The following VNN2 variants were observed in gnomAD, a reference collection of about 807,000 sequenced individuals.
The protein encoded by VNN2 is vanin 2, also known as pantetheine hydrolase VNN2.
In VNN2, 43 loss-of-function variants were observed where a neutral mutation model predicts 43.0. That is an observed-to-expected ratio of 1.00 (90% confidence interval 0.78 to 1.29). The LOEUF is 1.29. Among genes scored for constraint, VNN2 ranks in the 50% most tolerant of loss-of-function variants. The pLI is 0.00. For synonymous variants in VNN2, 230 were observed against 224.3 expected (o/e 1.03, Z -0.23); for missense variants, 652 against 619.7 (o/e 1.05, Z -0.55).
Position 132,757,834 on chromosome 6 carries a change from G to A in VNN2, c.50C>T (p.Thr17Ile), listed in dbSNP as rs33950336. Reference sequence around the variant, plus strand: ...ACTGTCCTGAGTACCAACCTGCAGGGTTATTAGGGCAAAAACTGCCACAGA... The same window carrying A: ...ACTGTCCTGAGTACCAACCTGCAGGATTATTAGGGCAAAAACTGCCACAGA... ...PISVAVFALI[T>I]LQVGTQDSFI... Residue 17 changes from threonine to isoleucine, a missense_variant, in exon 1 of 7, where the codon ACC becomes ATC. Thr to Ile is a moderately conservative substitution (Grantham distance 89). Coordinates refer to ENST00000326499, the MANE Select transcript of VNN2 (RefSeq NM_004665.6). The A allele has an allele frequency of 6.2e-7, 1 of 1,613,980 alleles. No homozygotes were observed. The highest frequency in any genetic ancestry group is 8.5e-7 in the Non-Finnish European group (1 of 1,179,998).
In VNN2 at chr6:132,755,564, G is replaced by A. The variant is rs900125713; in HGVS notation, c.537+279C>T. ...AATTTTTGTATTTTTTAGTAGAGAC[G>A]GGGTTTCACAATGTTGGCCAGACTG... is the stretch of plus-strand genomic sequence containing the variant. On this transcript the variant is annotated intron_variant, in intron 3 of 6. Coordinates refer to ENST00000326499, the MANE Select transcript of VNN2 (RefSeq NM_004665.6). Among the ~76,000 whole-genome samples the A allele has an allele frequency of 7.9e-5, 12 of 151,768 alleles. No homozygotes were observed. In the East Asian group the frequency reaches 9.7e-4, roughly 12 times the overall value.
chr6:132,751,072 C>G, intron 5 of VNN2, 73 bp downstream of exon 5: 2 of 1,516,648 alleles, frequency 1.3e-6, no homozygotes, highest in Non-Finnish European at 8.8e-7. Flanking sequence ...ACCTGGTTTT[C>G]TGGAACAAAT....
chr6:132,751,389 T>G lies in VNN2; in HGVS notation c.956A>C (p.Asn319Thr). The change falls in exon 5 of 7, where the codon AAT becomes ACT. Residue 319 changes from asparagine (N) to threonine (T), a missense_variant. Transcript: ENST00000326499. ...LSSLAYPTAV[N>T]WNAYATTIKP... is the part of the protein sequence containing the mutation. ...GATGGTGGTGGCGTAGGCATTCCAA[T>G]TAACAGCTGTTGGGTAGGCAAGCGA... The G allele has an allele frequency of 6.2e-7, 1 of 1,614,188 alleles. No individual in the cohort carries two copies. Among genetic ancestry groups the G allele is most frequent in the Non-Finnish European group, 8.5e-7 (1 of 1,180,022 alleles).
chr6:132,760,078 T>A (rs568982116), upstream of VNN2, among the ~76,000 whole-genome samples: 1 of 152,226 alleles, frequency 6.6e-6, no homozygotes, highest in South Asian at 2.1e-4. Context: ...GATTCCAGAG[T>A]CTTTCCTTTA....
chr6:132,758,036 CTTCT>C (rs1780606757), upstream of VNN2: 12 of 69,108 alleles, frequency 1.7e-4, no homozygotes, highest in South Asian at 1.5e-3. Flanking sequence ...TCTTCTTCTT[CTTCT>C]TTTTTTTTTT....
chr6:132,759,100 C>T (rs1780664738), upstream of VNN2, among the ~76,000 whole-genome samples: 1 of 152,104 alleles, frequency 6.6e-6, no homozygotes, highest in Non-Finnish European at 1.5e-5. Context: ...GAAGATGTAA[C>T]TTACATTTTT....
At position 132,753,186 on chromosome 6, in the gene VNN2, G is replaced by A. The variant is rs1582828506; in HGVS notation, c.538-437C>T. 1.1e-4 allele frequency: 23 copies of A among 205,962 alleles called. 1 individual carries two copies. The South Asian group carries it at 1.6e-3, about 14-fold the overall frequency. The allele number at this position is 205,962 out of a possible 1,614,324, so 12.8% of individuals were successfully genotyped here. A position where few individuals can be genotyped will look rare whatever the true frequency, so the allele number is the denominator to read the frequency against. ...ATTACAGGCACGTGCCACTATGCCC[G>A]GCTAATTTTTTCGTATTTTTAGTAG... is the stretch of plus-strand genomic sequence containing the variant. On this transcript the variant is annotated intron_variant, in intron 3 of 6. Coordinates refer to ENST00000326499, the MANE Select transcript of VNN2 (RefSeq NM_004665.6).
intron 6 of VNN2, among the ~76,000 whole-genome samples, chr6:132,746,254 A>T (rs766868079): frequency 3.9e-5 from 6 of 152,224 alleles, no homozygotes; most frequent in Non-Finnish European, 8.8e-5. Context: ...CACCCTTTTA[A>T]CATAAAACTA....
At chr6:132,755,389 T>C (rs966528924) in intron 3 of VNN2, among the ~76,000 whole-genome samples, 1 of 149,864 alleles carries the variant, frequency 6.7e-6, no homozygotes. Context: ...TTTTCTTTTT[T>C]TTTTTTTGAG....
At position 132,757,727 on chromosome 6, in the gene VNN2, G is replaced by C. The variant is rs146238193; in HGVS notation, c.157C>G (p.Leu53Val). The stretch of plus-strand genomic sequence containing the variant: ...AGAATGTCTATATTCTCGTTCATGA[G>C]ATTCAAGGCATCCTCCTGAGAAACT... ...TPVSQEDALN[L>V]MNENIDILET... Residue 53 changes from leucine to valine, a missense_variant, in exon 1 of 7, where the codon CTC becomes GTC. By Grantham distance (32) the Leu-to-Val change is conservative (BLOSUM62 1). Coordinates refer to ENST00000326499, the MANE Select transcript of VNN2 (RefSeq NM_004665.6). The C allele has an allele frequency of 3.3e-4, 533 of 1,614,002 alleles. 1 individual carries two copies. The highest frequency in any genetic ancestry group is 3.7e-4 in the Non-Finnish European group (440 of 1,180,034).
chr6:132,745,620 G>T (rs1282244127), intron 6 of VNN2, among the ~76,000 whole-genome samples: 1 of 152,208 alleles, frequency 6.6e-6, no homozygotes, highest in Non-Finnish European at 1.5e-5. Flanking sequence ...CCTCAGAGAA[G>T]GAATTGTTTA....
chr6:132,751,146 T>A lies in VNN2; in HGVS notation c.1199A>T (p.Gln400Leu), dbSNP rs1287138839. Residue 400 changes from glutamine (Q) to leucine (L), a missense_variant and splice_region_variant, in exon 5 of 7, where the codon CAG (glutamine) becomes CTG (leucine). Coordinates refer to ENST00000326499, the MANE Select transcript of VNN2 (RefSeq NM_004665.6). ...LHGRRRREYW[Q>L]VCTLLKCKTT... The stretch of plus-strand genomic sequence containing the variant: ...CCCTTTCATTTGAACTGAAATTACC[T>A]GCCAGTACTCTCTTCTCCTTCGGCC... The A allele has an allele frequency of 1.9e-6, 3 of 1,576,286 alleles. No individual in the cohort carries two copies. The Admixed American group carries it at 5.8e-5, about 30-fold the overall frequency.
intron 2 of VNN2, among the ~76,000 whole-genome samples, chr6:132,756,465 C>G (rs879537469): frequency 1.3e-5 from 2 of 152,194 alleles, no homozygotes. Context: ...TCTCCCATTC[C>G]CTTTCAGAGC....
chr6:132,751,031 A>G, intron 5 of VNN2, 114 bp downstream of exon 5: 2 of 1,309,538 alleles, frequency 1.5e-6, no homozygotes, highest in Middle Eastern at 2.1e-4. Flanking sequence ...GTGTGTTGCC[A>G]TCAATGCATG....
At chr6:132,753,298 T>A (rs1780246218) in intron 3 of VNN2, 1 of 285,870 alleles carries the variant, frequency 3.5e-6, no homozygotes, top group Non-Finnish European at 7.0e-6. Context: ...GTGCTGGGAT[T>A]ACAGGAATGA....
intron 4 of VNN2, 91 bp downstream of exon 4, chr6:132,752,370 A>G (rs190968350): frequency 6.9e-7 from 1 of 1,453,572 alleles, no homozygotes; most frequent in East Asian, 2.3e-5. Flanking sequence ...AGAATTTCCA[A>G]TAAGCAAAAA....
chr6:132,751,528 A>G lies in VNN2; in HGVS notation c.827-10T>C. Reference sequence around the variant, plus strand: ...GCATAAATACCACTTCCTGTGAATGAAAGACAAGTCTTCTAAAAACAACAC... The same window carrying G: ...GCATAAATACCACTTCCTGTGAATGGAAGACAAGTCTTCTAAAAACAACAC... On this transcript the variant is annotated splice_polypyrimidine_tract_variant and intron_variant, in intron 4 of 6. Transcript: ENST00000326499. 6.3e-7 allele frequency: 1 copy of G among 1,591,486 alleles called. No individual in the cohort carries two copies. The highest frequency in any genetic ancestry group is 8.6e-7 in the Non-Finnish European group (1 of 1,169,104).
At position 132,757,867 on chromosome 6, in the gene VNN2, A is replaced by G; in HGVS notation, c.17T>C (p.Phe6Ser). 1 of 1,613,870 alleles carries G rather than the reference A, an allele frequency of 6.2e-7. No homozygotes were observed. The highest frequency in any genetic ancestry group is 2.2e-5 in the East Asian group (1 of 44,880). Residue 6 changes from phenylalanine to serine, a missense_variant, in exon 1 of 7, where the codon TTT (phenylalanine) becomes TCT (serine). Coordinates refer to ENST00000326499, the MANE Select transcript of VNN2 (RefSeq NM_004665.6). ...GGCAAAAACTGCCACAGAGATTGGA[A>G]AAGAGGAAGTGACCATGGCCAAGGT... MVTSS[F>S]PISVAVFALI...
upstream of VNN2, among the ~76,000 whole-genome samples, chr6:132,759,438 CAAA>C (rs58195059): frequency 1.4e-5 from 1 of 69,172 alleles, no homozygotes; most frequent in East Asian, 4.7e-4. Flanking sequence ...AACTCCGTCT[CAAA>C]AAAAAAAAAA....
Sources: gnomAD v4.1 joint callset for allele counts (sites outside exome capture counted in the v4.1 genomes callset) on GRCh38, gnomAD v4.1.1 for gene constraint, MANE v1.5 for transcripts, NCBI Gene and HGNC (gene_info 2026-07-23, HGNC 2026-07-21) for gene names.